Variants in ZNF385D observed in about 807,000 individuals in gnomAD.
ZNF385D encodes zinc finger protein 659.
In ZNF385D, 15 loss-of-function variants were observed where a neutral mutation model predicts 35.8. The observed-to-expected ratio is 0.42, with a 90% CI of 0.28 to 0.64. The LOEUF is 0.64. Among genes scored for constraint, ZNF385D ranks in the 30% least tolerant of loss-of-function variants. The probability of loss-of-function intolerance (pLI) is 0.23; values close to 1 mark genes in which losing one functional copy is unlikely to be tolerated. For synonymous variants in ZNF385D, 212 were observed against 186.8 expected (o/e 1.13, Z -1.10); for missense variants, 474 against 494.6 (o/e 0.96, Z 0.39).
intron 3 of ZNF385D, among the ~76,000 whole-genome samples, chr3:22,077,806 G>T (rs1390157355): frequency 6.6e-6 from 1 of 151,900 alleles, no homozygotes; most frequent in Non-Finnish European, 1.5e-5. Flanking sequence ...TCAGTCTAAA[G>T]CATCATTTTA....
At chr3:21,961,558 T>G (rs1018074773) in intron 3 of ZNF385D, 1 of 152,122 alleles carries the variant, frequency 6.6e-6, no homozygotes, top group African/African-American at 2.4e-5. Context: ...GATAAATAAA[T>G]TTATTTCACA....
intron 1 of ZNF385D, 48 bp downstream of exon 1, chr3:21,750,847 T>C: frequency 6.2e-7 from 1 of 1,611,310 alleles, no homozygotes; most frequent in South Asian, 1.1e-5. Context: ...TCTGCACGGA[T>C]GAAGAGCCGG....
At chr3:21,716,003 G>A (rs1014068917) in intron 1 of ZNF385D, among the ~76,000 whole-genome samples, 4 of 151,970 alleles carry the variant, frequency 2.6e-5, no homozygotes, top group African/African-American at 9.7e-5. Flanking sequence ...CATCTATCTA[G>A]TTATTCAACT....
At chr3:21,552,216 A>C (rs949158203) in intron 3 of ZNF385D, among the ~76,000 whole-genome samples, 2 of 152,236 alleles carry the variant, frequency 1.3e-5, no homozygotes, top group African/African-American at 4.8e-5. Context: ...CTTGAGTTTA[A>C]AATGATCTAA....
intron 3 of ZNF385D, among the ~76,000 whole-genome samples, chr3:21,999,332 T>G (rs1483969146): frequency 1.3e-5 from 2 of 152,202 alleles, no homozygotes; most frequent in African/African-American, 4.8e-5. Flanking sequence ...CAAAAATTTT[T>G]TTTTTTTGCC....
In ZNF385D at chr3:21,815,713, C is replaced by T. The variant is rs143622492; in HGVS notation, c.326-150685G>A. Among the ~76,000 whole-genome samples, 11 of 152,052 alleles carry T rather than the reference C, an allele frequency of 7.2e-5. No homozygotes were observed. The East Asian group carries it at 1.2e-3, about 16-fold the overall frequency. On this transcript the variant is annotated intron_variant, in intron 3 of 5. Coordinates refer to the ZNF385D transcript ENST00000494108. ...ATAGCCTACCAACCAAAACCAGTAC[C>T]GGACCAGACGGATTCACAGCTGAAT...
chr3:21,901,658 G>C (rs1699419997), intron 3 of ZNF385D, among the ~76,000 whole-genome samples: 1 of 152,120 alleles, frequency 6.6e-6, no homozygotes, highest in Non-Finnish European at 1.5e-5. Flanking sequence ...TAAATAAACA[G>C]TTCACTGGTA....
chr3:21,970,618 A>C (rs999548363), intron 3 of ZNF385D, among the ~76,000 whole-genome samples: 10 of 152,012 alleles, frequency 6.6e-5, no homozygotes, highest in African/African-American at 2.4e-4. Context: ...AGAGAGAGAG[A>C]GAGAGAGAAA....
rs775108874 is a variant in ZNF385D at position 21,510,937 on chromosome 3, T to G, written c.363A>C (p.Val121=). ...LEAMKNKQKS[V]TAKDSAKTTF... Reference sequence around the variant, plus strand: ...TAGTCTTTGCGCTGTCCTTGGCAGTTACAGATTTCTGCTTATTTTTCATGG... The same window carrying G: ...TAGTCTTTGCGCTGTCCTTGGCAGTGACAGATTTCTGCTTATTTTTCATGG... The change falls in exon 4 of 8, where the codon GTA becomes GTC. Residue 121 remains valine (V), a synonymous_variant. Coordinates refer to ENST00000281523, the MANE Select transcript of ZNF385D (RefSeq NM_024697.3). The G allele has an allele frequency of 3.7e-6, 6 of 1,614,062 alleles. No homozygotes were observed. In the East Asian group the frequency reaches 1.3e-4, roughly 36 times the overall value.
chr3:21,786,043 C>T (rs1273420846), intron 3 of ZNF385D, among the ~76,000 whole-genome samples: 2 of 150,968 alleles, frequency 1.3e-5, no homozygotes, highest in Admixed American at 6.6e-5. Context: ...TACCATGTGA[C>T]TTCATTTAAC....
chr3:22,072,156 T>C (rs1700260130), intron 3 of ZNF385D, among the ~76,000 whole-genome samples: 3 of 152,072 alleles, frequency 2.0e-5, no homozygotes, highest in Admixed American at 1.3e-4. Context: ...ACACCTCTAT[T>C]CTAAGTTAGT....
intron 2 of ZNF385D, among the ~76,000 whole-genome samples, chr3:22,299,572 C>A (rs1450702531): frequency 1.3e-5 from 2 of 151,730 alleles, no homozygotes; most frequent in East Asian, 1.9e-4. Context: ...AAATAGAAAA[C>A]CCTGAAGACT....
chr3:22,106,000 T>C (rs1043132224), intron 3 of ZNF385D, among the ~76,000 whole-genome samples: 4 of 152,180 alleles, frequency 2.6e-5, no homozygotes, highest in Non-Finnish European at 1.5e-5. Flanking sequence ...TAATCATAAA[T>C]AAGTTTTAGT....
chr3:22,188,305 G>A (rs1695777110), intron 2 of ZNF385D, among the ~76,000 whole-genome samples: 1 of 152,082 alleles, frequency 6.6e-6, no homozygotes. Context: ...AAAGACCAAT[G>A]GCAATTAAAA....
At chr3:21,606,386 AG>A (rs1324643232) in intron 2 of ZNF385D, among the ~76,000 whole-genome samples, 3 of 152,196 alleles carry the variant, frequency 2.0e-5, no homozygotes, top group African/African-American at 7.2e-5. Flanking sequence ...TGCTTTGAGT[AG>A]ATTTTCTTTT....
At chr3:21,820,234 C>A (rs1028683492) in intron 3 of ZNF385D, among the ~76,000 whole-genome samples, 1 of 151,678 alleles carries the variant, frequency 6.6e-6, no homozygotes, top group African/African-American at 2.4e-5. Flanking sequence ...CGTCTCAATA[C>A]GTTTCAGAGA....
intron 1 of ZNF385D, among the ~76,000 whole-genome samples, chr3:21,676,824 C>A (rs930806717): frequency 6.6e-6 from 1 of 151,584 alleles, no homozygotes; most frequent in Admixed American, 6.6e-5. Context: ...TACCTCTCTC[C>A]TTTTCAAATA....
intron 3 of ZNF385D, among the ~76,000 whole-genome samples, chr3:22,064,201 C>T (rs1041649496): frequency 6.6e-5 from 10 of 152,256 alleles, no homozygotes; most frequent in African/African-American, 1.9e-4. Flanking sequence ...TCAGGAGAAG[C>T]CATGACAGTT....
At chr3:22,116,475 T>C (rs1918461) in intron 3 of ZNF385D, among the ~76,000 whole-genome samples, 29,524 of 151,762 alleles carry the variant, frequency 0.19, 3,198 homozygotes, top group East Asian at 0.42. Flanking sequence ...ATTTAAGGCA[T>C]CCTGCAAAAA....
Sources: gnomAD v4.1 joint callset for allele counts (sites outside exome capture counted in the v4.1 genomes callset) on GRCh38, gnomAD v4.1.1 for gene constraint, MANE v1.5 for transcripts, NCBI Gene and HGNC (gene_info 2026-07-23, HGNC 2026-07-21) for gene names.